The following UGT1A8 variants were observed in gnomAD, a reference collection of about 807,000 sequenced individuals.
UGT1A8 encodes the protein UDP-glucuronosyltransferase 1A8.
A neutral mutation model predicts 45.3 loss-of-function variants in UGT1A8; 39 were observed. The observed-to-expected ratio is 0.86, with a 90% CI of 0.67 to 1.12. The LOEUF is 1.12. Among genes scored for constraint, UGT1A8 ranks in the 50% most tolerant of loss-of-function variants. The pLI is 0.00. For missense variants in UGT1A8, 719 were observed against 664.9 expected (o/e 1.08, Z -0.90); for synonymous variants, 275 against 249.2 (o/e 1.10, Z -0.97).
intron 1 of UGT1A8, among the ~76,000 whole-genome samples, chr2:233,724,174 C>A (rs2077183841): frequency 8.0e-6 from 1 of 125,722 alleles, no homozygotes; most frequent in South Asian, 2.8e-4. Flanking sequence ...ACCCCCCCAT[C>A]TCCCTCCCGG....
At position 233,618,246 on chromosome 2, in the gene UGT1A8, G is replaced by T. The variant is rs1284587697; in HGVS notation, c.539G>T (p.Gly180Val). 3.7e-6 allele frequency: 6 copies of T among 1,613,814 alleles called. No individual in the cohort carries two copies. Among genetic ancestry groups the T allele is most frequent in the Non-Finnish European group, 5.1e-6 (6 of 1,179,884 alleles). Reference protein sequence around the residue: ...RGIACHYLEEGAQCPAPLSYV... With the variant: ...RGIACHYLEEVAQCPAPLSYV... Reference sequence around the variant, plus strand: ...ATAGCTTGCCACTATCTTGAAGAAGGTGCACAGTGCCCTGCTCCTCTTTCC... The same window carrying T: ...ATAGCTTGCCACTATCTTGAAGAAGTTGCACAGTGCCCTGCTCCTCTTTCC... Residue 180 changes from glycine (G) to valine (V), a missense_variant, in exon 1 of 5, where the codon GGT becomes GTT. Coordinates refer to ENST00000373450, the MANE Select transcript of UGT1A8 (RefSeq NM_019076.5).
rs17863788 is a variant in UGT1A8, at chr2:233,705,853, T to C, written c.856-61181T>C. 6.0e-3 allele frequency among the ~76,000 whole-genome samples: 911 copies of C among 152,278 alleles called. 8 individuals carry two copies. Among genetic ancestry groups the C allele is most frequent in the Middle Eastern group, 0.014 (4 of 294 alleles). ...AGTGGCTGGAGCTGAAGTGGGAAGCTGAGGCAGGCAGATCACTTGAGGCCA... is the reference window on the plus strand; with the variant it reads ...AGTGGCTGGAGCTGAAGTGGGAAGCCGAGGCAGGCAGATCACTTGAGGCCA... On this transcript the variant is annotated intron_variant, in intron 1 of 4. Coordinates refer to ENST00000373450, the MANE Select transcript of UGT1A8 (RefSeq NM_019076.5).
chr2:233,662,491 C>T (rs1190260841), intron 1 of UGT1A8, among the ~76,000 whole-genome samples: 2 of 152,096 alleles, frequency 1.3e-5, no homozygotes, highest in Non-Finnish European at 2.9e-5. Flanking sequence ...CTTATTGTAT[C>T]CTGCAACCAT....
intron 1 of UGT1A8, among the ~76,000 whole-genome samples, chr2:233,688,220 C>G (rs1367273237): frequency 6.6e-6 from 1 of 152,222 alleles, no homozygotes; most frequent in East Asian, 1.9e-4. Context: ...TGTGGCTTAT[C>G]CATGTTGTAG....
chr2:233,640,085 C>G (rs953296669), intron 1 of UGT1A8, among the ~76,000 whole-genome samples: 15 of 152,116 alleles, frequency 9.9e-5, no homozygotes, highest in African/African-American at 3.4e-4. Flanking sequence ...CTGTGCTTTC[C>G]CCATTGCTCT....
chr2:233,620,813 C>T (rs921659618), intron 1 of UGT1A8, among the ~76,000 whole-genome samples: 1 of 152,148 alleles, frequency 6.6e-6, no homozygotes, highest in African/African-American at 2.4e-5. Flanking sequence ...ATGGACACTG[C>T]GTATTGCTCC....
intron 1 of UGT1A8, among the ~76,000 whole-genome samples, chr2:233,751,294 T>C (rs985259482): frequency 6.6e-6 from 1 of 151,990 alleles, no homozygotes; most frequent in African/African-American, 2.4e-5. Flanking sequence ...CCATTTGGAA[T>C]GGGAATATTT....
At chr2:233,656,423 C>T (rs374027288) in intron 1 of UGT1A8, among the ~76,000 whole-genome samples, 29 of 152,270 alleles carry the variant, frequency 1.9e-4, no homozygotes, top group South Asian at 4.1e-4. Flanking sequence ...AAGGAATGGA[C>T]GTCAGTTAGT....
At chr2:233,621,873 C>A (rs141965771) in intron 1 of UGT1A8, among the ~76,000 whole-genome samples, 234 of 152,234 alleles carry the variant, frequency 1.5e-3, no homozygotes, top group African/African-American at 5.2e-3. Flanking sequence ...AATGCTATCC[C>A]TTCCTCAGCC....
In UGT1A8 at chr2:233,755,308, G is replaced by A. The variant is rs1306203724; in HGVS notation, c.856-11726G>A. The A allele has an allele frequency of 1.8e-5, 10 of 564,374 alleles. No individual in the cohort carries two copies. The Admixed American group carries it at 2.0e-4, about 11-fold the overall frequency. The allele number at this position is 564,374 out of a possible 1,614,324, so 35.0% of individuals were successfully genotyped here. A position where few individuals can be genotyped will look rare whatever the true frequency, so the allele number is the denominator to read the frequency against. On this transcript the variant is annotated intron_variant, in intron 1 of 4. Coordinates refer to ENST00000373450, the MANE Select transcript of UGT1A8 (RefSeq NM_019076.5). ...AGAGCCTGCGGGGCACTGGCACAGCGAGCGGCAAGGCTGCCAGCACCCGCG... is the reference window on the plus strand; with the variant it reads ...AGAGCCTGCGGGGCACTGGCACAGCAAGCGGCAAGGCTGCCAGCACCCGCG...
intron 1 of UGT1A8, among the ~76,000 whole-genome samples, chr2:233,678,935 T>A (rs187063932): frequency 3.9e-5 from 6 of 152,316 alleles, no homozygotes; most frequent in Admixed American, 3.9e-4. Flanking sequence ...CTGGTCACAG[T>A]TTTCTCCAGA....
chr2:233,677,565 CAT>C (rs1413682224), intron 1 of UGT1A8, among the ~76,000 whole-genome samples: 2 of 151,996 alleles, frequency 1.3e-5, no homozygotes, highest in African/African-American at 4.8e-5. Context: ...AAAAACGTAA[CAT>C]ATGAAAAAAT....
intron 1 of UGT1A8, chr2:233,760,497 C>T (rs1553620689): frequency 2.5e-6 from 4 of 1,614,200 alleles, no homozygotes; most frequent in East Asian, 2.2e-5. Flanking sequence ...ACATCAGAGA[C>T]GGAGCATTTT....
In UGT1A8 at chr2:233,743,013, C is replaced by A. The variant is rs1054809; in HGVS notation, c.856-24021C>A. On this transcript the variant is annotated intron_variant, in intron 1 of 4. Transcript: ENST00000373450. ...CAAATTGCATACAGATATTTTACAA[C>A]GATTGAAAGACAAACAGAGGTCCTA... The A allele has an allele frequency of 1.1e-4, 27 of 235,930 alleles. 1 individual carries two copies. The highest frequency in any genetic ancestry group is 7.5e-4 in the South Asian group (13 of 17,240). 14.6% of individuals were successfully genotyped at this position (235,930 alleles called of 1,614,324 possible). A position where few individuals can be genotyped will look rare whatever the true frequency, so the allele number is the denominator to read the frequency against.
chr2:233,678,135 A>G (rs1350743843), intron 1 of UGT1A8, among the ~76,000 whole-genome samples: 1 of 152,216 alleles, frequency 6.6e-6, no homozygotes, highest in Non-Finnish European at 1.5e-5. Flanking sequence ...TTGGGCATAA[A>G]GATGGCAACA....
chr2:233,642,496 G>A (rs1482233348), intron 1 of UGT1A8, among the ~76,000 whole-genome samples: 1 of 152,190 alleles, frequency 6.6e-6, no homozygotes, highest in African/African-American at 2.4e-5. Context: ...GCTTATATCT[G>A]TTTCTCCAGC....
intron 1 of UGT1A8, among the ~76,000 whole-genome samples, chr2:233,647,060 T>C (rs1008115637): frequency 1.3e-5 from 2 of 152,216 alleles, no homozygotes; most frequent in Non-Finnish European, 1.5e-5. Context: ...CCTCCATGGA[T>C]GGCAGCAGGC....
At chr2:233,693,555 G>C in intron 1 of UGT1A8, 1 of 1,614,172 alleles carries the variant, frequency 6.2e-7, no homozygotes, top group East Asian at 2.2e-5. Flanking sequence ...ACATTCAGCA[G>C]AAGCCCAGAC....
chr2:233,748,386 G>A (rs562746713), intron 1 of UGT1A8, among the ~76,000 whole-genome samples: 1 of 151,878 alleles, frequency 6.6e-6, no homozygotes, highest in African/African-American at 2.4e-5. Context: ...GTCCTTCATT[G>A]GGAAGGAGCA....
Sources: gnomAD v4.1 joint callset for allele counts (sites outside exome capture counted in the v4.1 genomes callset) on GRCh38, gnomAD v4.1.1 for gene constraint, MANE v1.5 for transcripts, NCBI Gene and HGNC (gene_info 2026-07-23, HGNC 2026-07-21) for gene names.